GABRR2: variants seen among roughly 807,000 people sequenced by gnomAD.
GABRR2 encodes gamma-aminobutyric acid receptor subunit rho-2.
Under a neutral mutation model 47.0 loss-of-function variants are expected in GABRR2, and 36 were observed. The observed-to-expected ratio is 0.77, with a 90% CI of 0.59 to 1.01. The LOEUF is 1.01. GABRR2 is among the 50% of genes least tolerant of loss of function. The pLI, the probability that GABRR2 is intolerant of heterozygous loss-of-function variation, is 0.00. For synonymous variants in GABRR2, 204 were observed against 227.5 expected, an observed-to-expected ratio of 0.90 and a Z score of 0.93; for missense variants, 587 against 594.6, an observed-to-expected ratio of 0.99 and a Z score of 0.13.
At chr6:89,295,633 T>C (rs1242470407) in intron 2 of GABRR2, among the ~76,000 whole-genome samples, 4 of 152,168 alleles carry the variant, frequency 2.6e-5, no homozygotes, top group Admixed American at 6.5e-5. Context: ...TTAGTTTAAT[T>C]AGATCCCATT....
chr6:89,290,056 G>A (rs1038437634), intron 2 of GABRR2, among the ~76,000 whole-genome samples: 1 of 152,174 alleles, frequency 6.6e-6, no homozygotes, highest in Non-Finnish European at 1.5e-5. Flanking sequence ...GTGCCAAGTA[G>A]CGCTCCATGA....
chr6:89,266,024 G>A (rs182409413), intron 6 of GABRR2, among the ~76,000 whole-genome samples: 16 of 152,156 alleles, frequency 1.1e-4, no homozygotes, highest in Admixed American at 6.5e-4. Flanking sequence ...TTTGGGAAAC[G>A]GCAGAACTAA....
At chr6:89,284,052 G>A (rs1774295120) in intron 2 of GABRR2, among the ~76,000 whole-genome samples, 1 of 152,060 alleles carries the variant, frequency 6.6e-6, no homozygotes, top group African/African-American at 2.4e-5. Flanking sequence ...AAGATGGTTG[G>A]GGTTGTTTCA....
chr6:89,269,639 G>A (rs1305827893), intron 3 of GABRR2, among the ~76,000 whole-genome samples: 1 of 152,200 alleles, frequency 6.6e-6, no homozygotes, highest in African/African-American at 2.4e-5. Flanking sequence ...CTGGATTGTC[G>A]AATGTCTCTC....
intron 7 of GABRR2, 136 bp from the exon 8 acceptor site, chr6:89,264,744 G>A: frequency 1.8e-6 from 2 of 1,134,988 alleles, no homozygotes; most frequent in Non-Finnish European, 1.3e-6. Flanking sequence ...CTCGGAGAGG[G>A]GCAAGGATCT....
intron 2 of GABRR2, among the ~76,000 whole-genome samples, chr6:89,272,827 C>T (rs1041701707): frequency 2.6e-5 from 4 of 152,106 alleles, no homozygotes; most frequent in Non-Finnish European, 4.4e-5. Flanking sequence ...TGGCCATGGG[C>T]GGGGAAGGAG....
chr6:89,271,704 C>G lies in GABRR2; in HGVS notation c.239G>C (p.Gly80Ala). 6.2e-7 allele frequency: 1 copy of G among 1,612,460 alleles called. No homozygotes were observed. The highest frequency in any genetic ancestry group is 8.5e-7 in the Non-Finnish European group (1 of 1,179,320). Reference protein sequence around the residue: ...PAFGGPAIPVGVDVQVESLDS... With the variant: ...PAFGGPAIPVAVDVQVESLDS... ...CAGGCTCTCCACCTGTACGTCCACG[C>G]CCACCGGGATGGCAGGGCCTGCAGA... Residue 80 changes from glycine (G) to alanine (A), a missense_variant, in exon 3 of 9, where the codon GGC (glycine) becomes GCC (alanine). Gly to Ala is a moderately conservative substitution (Grantham distance 60). Coordinates refer to ENST00000402938, the MANE Select transcript of GABRR2 (RefSeq NM_002043.5).
chr6:89,300,245 C>T (rs1158063377), intron 1 of GABRR2, among the ~76,000 whole-genome samples: 1 of 152,194 alleles, frequency 6.6e-6, no homozygotes, highest in Non-Finnish European at 1.5e-5. Flanking sequence ...TGCAGTGGCT[C>T]ACACCTGTAA....
intron 2 of GABRR2, among the ~76,000 whole-genome samples, chr6:89,279,984 T>C (rs1774228339): frequency 6.6e-6 from 1 of 151,840 alleles, no homozygotes. Context: ...CTGAGGCAGG[T>C]GGGGCACCTG....
At position 89,309,949 on chromosome 6, in the gene GABRR2, T is replaced by C. The variant is rs940160433; in HGVS notation, c.113+5104A>G. Reference sequence around the variant, plus strand: ...ACATGCCACCGTGCCTGGCTAATCTTTTTTTTTTTTTTTTTGTAGAGACAG... The same window carrying C: ...ACATGCCACCGTGCCTGGCTAATCTCTTTTTTTTTTTTTTTGTAGAGACAG... On this transcript the variant is annotated intron_variant, in intron 1 of 8. Transcript: ENST00000402938. 1.0e-4 allele frequency among the ~76,000 whole-genome samples: 14 copies of C among 136,144 alleles called. No individual in the cohort carries two copies. The East Asian group carries it at 2.0e-3, about 19-fold the overall frequency. 89.3% of individuals were successfully genotyped at this position (136,144 alleles called of 152,430 possible). A position where few individuals can be genotyped will look rare whatever the true frequency, so the allele number is the denominator to read the frequency against.
At chr6:89,308,170 A>G (rs1208887950) in intron 1 of GABRR2, among the ~76,000 whole-genome samples, 1 of 152,178 alleles carries the variant, frequency 6.6e-6, no homozygotes, top group East Asian at 1.9e-4. Flanking sequence ...TGTAAGAGGA[A>G]AGTGATGGTT....
intron 8 of GABRR2, among the ~76,000 whole-genome samples, chr6:89,262,795 T>C (rs772529853): frequency 5.9e-5 from 9 of 152,230 alleles, no homozygotes; most frequent in Admixed American, 1.3e-4. Context: ...TGTCCCTTTA[T>C]CTCCACAGCT....
chr6:89,307,675 C>G (rs1291662443), intron 1 of GABRR2, among the ~76,000 whole-genome samples: 1 of 152,200 alleles, frequency 6.6e-6, no homozygotes, highest in Non-Finnish European at 1.5e-5. Flanking sequence ...GCTGAAGAAA[C>G]CAGAGCCCTC....
rs1272834276 is a variant in GABRR2 at position 89,315,222 on chromosome 6, T to TC, written c.-58dup. Reference sequence around the variant, plus strand: ...TTCCAGTAGCCTGTGGCAGAGCAAATCCCCCCTGGCTTGACCATTGATCCA... The same window carrying TC: ...TTCCAGTAGCCTGTGGCAGAGCAAATCCCCCCCTGGCTTGACCATTGATCCA... On this transcript the variant is annotated 5_prime_UTR_variant, in exon 1 of 9. Coordinates refer to ENST00000402938, the MANE Select transcript of GABRR2 (RefSeq NM_002043.5). 1.9e-6 allele frequency: 3 copies of TC among 1,610,612 alleles called. No homozygotes were observed. The highest frequency in any genetic ancestry group is 2.2e-5 in the East Asian group (1 of 44,728).
At chr6:89,262,691 G>T (rs561053337) in intron 8 of GABRR2, among the ~76,000 whole-genome samples, 5 of 152,196 alleles carry the variant, frequency 3.3e-5, no homozygotes, top group Admixed American at 6.5e-5. Context: ...CCAAAATGTC[G>T]TTACATGGCA....
At chr6:89,279,657 C>A (rs1774223254) in intron 2 of GABRR2, among the ~76,000 whole-genome samples, 1 of 145,918 alleles carries the variant, frequency 6.9e-6, no homozygotes, top group Non-Finnish European at 1.5e-5. Flanking sequence ...CAGGTGTGAG[C>A]CACTATGCCA....
intron 2 of GABRR2, among the ~76,000 whole-genome samples, chr6:89,280,247 T>TATATATAC (rs1554197255): frequency 0.021 from 2,074 of 100,412 alleles, 35 homozygotes; most frequent in East Asian, 0.075. Flanking sequence ...TATATATATA[T>TATATATAC]ATATATACAT....
intron 1 of GABRR2, chr6:89,302,939 C>A: frequency 8.4e-7 from 1 of 1,189,618 alleles, no homozygotes; most frequent in Non-Finnish European, 1.2e-6. Context: ...CAGCACAAGG[C>A]CTTCCTACAC....
chr6:89,258,076 AC>A, intron 8 of GABRR2, 95 bp from the exon 9 acceptor site: 2 of 1,157,754 alleles, frequency 1.7e-6, no homozygotes, highest in Non-Finnish European at 2.4e-6. Context: ...GCTACTCAGA[AC>A]CACAGAAAGA....
Sources: allele counts gnomAD v4.1 joint callset (sites outside exome capture counted in the v4.1 genomes callset), GRCh38; gene constraint gnomAD v4.1.1; transcripts MANE v1.5; gene names NCBI Gene and HGNC (gene_info 2026-07-23, HGNC 2026-07-21).